The following NOVA2 variants were observed in gnomAD, a reference collection of about 807,000 sequenced individuals.
NOVA2 encodes the protein RNA-binding protein Nova-2.
In NOVA2, 9 loss-of-function variants were observed where a neutral mutation model predicts 22.5. The ratio of observed to expected loss-of-function variants is 0.40; its 90% CI spans 0.24 to 0.70. The LOEUF is 0.70. Ranked by LOEUF, NOVA2 falls within the 30% of genes least tolerant of loss-of-function variation. The pLI is 0.38. For missense variants in NOVA2, 383 were observed against 682.8 expected, an observed-to-expected ratio of 0.56 and a Z score of 4.89; for synonymous variants, 318 against 335.2, an observed-to-expected ratio of 0.95 and a Z score of 0.56.
chr19:45,954,088 G>T, intron 2 of NOVA2, 142 bp from the exon 3 acceptor site: 1 of 827,880 alleles, frequency 1.2e-6, no homozygotes, highest in Non-Finnish European at 1.9e-6. Context: ...TGGGGGAGCG[G>T]GCATGGGCTG....
At chr19:45,953,244 C>T (rs917331048) in intron 3 of NOVA2, among the ~76,000 whole-genome samples, 1 of 152,202 alleles carries the variant, frequency 6.6e-6, no homozygotes, top group African/African-American at 2.4e-5. Flanking sequence ...AACGGAGGGG[C>T]GCTGCCTTCC....
intron 1 of NOVA2, among the ~76,000 whole-genome samples, chr19:45,968,704 TA>T (rs1279010196): frequency 1.3e-5 from 2 of 151,938 alleles, no homozygotes; most frequent in African/African-American, 4.8e-5. Context: ...CCCAGAGAGG[TA>T]GATCTTCCTG....
chr19:45,965,818 C>T (rs1968160429), intron 1 of NOVA2, among the ~76,000 whole-genome samples: 1 of 152,116 alleles, frequency 6.6e-6, no homozygotes, highest in Non-Finnish European at 1.5e-5. Flanking sequence ...CTTTCCTCAT[C>T]TATACAATGG....
rs752205270 is a variant in NOVA2, at chr19:45,940,761, C to T, written c.581G>A (p.Ser194Asn). 25 of 1,609,382 alleles carry T rather than the reference C, an allele frequency of 1.6e-5. No homozygotes were observed. The highest frequency in any genetic ancestry group is 2.1e-5 in the Non-Finnish European group (25 of 1,179,912). ...GEPEQVHKAV[S>N]AIVQKVQEDP... is the part of the protein sequence containing the mutation. The stretch of plus-strand genomic sequence containing the variant: ...TTCTTGTACCTTCTGCACGATGGCG[C>T]TCACGGCCTTGTGCACCTGCTCGGG... Residue 194 changes from serine (S) to asparagine (N), a missense_variant, in exon 4 of 4, where the codon AGC becomes AAC. Around this residue, in one of 2 missense-constraint regions of NOVA2, gnomAD observed 349 missense variants for 578.1 expected, o/e 0.60. Coordinates refer to ENST00000263257, the MANE Select transcript of NOVA2 (RefSeq NM_002516.4).
chr19:45,963,825 C>T (rs1274938438), intron 1 of NOVA2, among the ~76,000 whole-genome samples: 2 of 152,080 alleles, frequency 1.3e-5, no homozygotes, highest in Admixed American at 6.6e-5. Context: ...CCACCGCGCC[C>T]GGGCCCCCTC....
At chr19:45,956,594 T>G (rs1360713498) in intron 2 of NOVA2, among the ~76,000 whole-genome samples, 2 of 152,074 alleles carry the variant, frequency 1.3e-5, no homozygotes, top group Non-Finnish European at 2.9e-5. Context: ...CTAAGCCTCC[T>G]GAGTAGCTGG....
intron 3 of NOVA2, among the ~76,000 whole-genome samples, chr19:45,942,407 C>A (rs1433197585): frequency 6.6e-6 from 1 of 152,090 alleles, no homozygotes; most frequent in Non-Finnish European, 1.5e-5. Flanking sequence ...CAGAAGAAAC[C>A]AACCCTGCTG....
rs1293801241 is a variant in NOVA2, at chr19:45,940,178, G to A, written c.1164C>T (p.Ala388=). The change falls in exon 4 of 4, where the codon GCC becomes GCT. Residue 388 remains alanine (A), a synonymous_variant. Coordinates refer to ENST00000263257, the MANE Select transcript of NOVA2 (RefSeq NM_002516.4). ...GGPLVAAAAA[A]GAAGGFLTAE... is the part of the protein sequence containing the mutation. The stretch of plus-strand genomic sequence containing the variant: ...CCGTCAGGAAGCCCCCGGCCGCCCC[G>A]GCCGCGGCTGCAGCGGCCACCAGCG... The A allele has an allele frequency of 3.8e-6, 6 of 1,589,226 alleles. No homozygotes were observed. In the South Asian group the frequency reaches 6.7e-5, roughly 18 times the overall value.
intron 1 of NOVA2, among the ~76,000 whole-genome samples, chr19:45,968,845 C>G (rs1413172970): frequency 6.6e-6 from 1 of 152,028 alleles, no homozygotes; most frequent in Non-Finnish European, 1.5e-5. Context: ...GGGCTCTTAA[C>G]CTGGTGATGT....
At chr19:45,950,325 A>AT (rs1285326150) in intron 3 of NOVA2, among the ~76,000 whole-genome samples, 3 of 150,422 alleles carry the variant, frequency 2.0e-5, no homozygotes, top group African/African-American at 7.3e-5. Flanking sequence ...TGCCCGGCTA[A>AT]TTTTTTTGTA....
chr19:45,970,259 A>G (rs996218653), intron 1 of NOVA2, among the ~76,000 whole-genome samples: 1 of 152,198 alleles, frequency 6.6e-6, no homozygotes, highest in Non-Finnish European at 1.5e-5. Context: ...TCTAGCCATT[A>G]TTATAACTGA....
chr19:45,942,749 C>T (rs149783048), intron 3 of NOVA2, among the ~76,000 whole-genome samples: 17 of 152,212 alleles, frequency 1.1e-4, no homozygotes, highest in Non-Finnish European at 1.9e-4. Context: ...CTTCAACCAC[C>T]CATTTGTCCA....
Position 45,973,818 on chromosome 19 carries a change from AC to A in NOVA2, c.-468del, listed in dbSNP as rs1022953946. The stretch of plus-strand genomic sequence containing the variant: ...GGGGACTGGACGCGCCACTGGGGGG[AC>A]GGGACTCCCCGCTTCTTCTTGGCTC... On this transcript the variant is annotated 5_prime_UTR_variant, in exon 1 of 4. Coordinates refer to ENST00000263257, the MANE Select transcript of NOVA2 (RefSeq NM_002516.4). Among the ~76,000 whole-genome samples the A allele has an allele frequency of 3.4e-5, 5 of 148,542 alleles. No homozygotes were observed. Among genetic ancestry groups the A allele is most frequent in the African/African-American group, 1.3e-4 (5 of 39,968 alleles).
chr19:45,962,787 C>T (rs905309202), intron 1 of NOVA2, among the ~76,000 whole-genome samples: 1 of 152,080 alleles, frequency 6.6e-6, no homozygotes, highest in Admixed American at 6.6e-5. Context: ...GCTGGGACTA[C>T]AGGCGCCCGC....
At position 45,964,181 on chromosome 19, in the gene NOVA2, T is replaced by C. The variant is rs1054891622; in HGVS notation, c.86-3028A>G. ...TTTCTTTTTTTCTTTTTCTTTTTCTTTTTTTTTTTTTTTTTTTGAGACAAT... is the reference window on the plus strand; with the variant it reads ...TTTCTTTTTTTCTTTTTCTTTTTCTCTTTTTTTTTTTTTTTTTGAGACAAT... On this transcript the variant is annotated intron_variant, in intron 1 of 3. Coordinates refer to ENST00000263257, the MANE Select transcript of NOVA2 (RefSeq NM_002516.4). Among the ~76,000 whole-genome samples, 13 of 7,968 alleles carry C rather than the reference T, an allele frequency of 1.6e-3. 1 individual carries two copies. In the South Asian group the frequency reaches 0.025, roughly 15 times the overall value. 5.2% of individuals were successfully genotyped at this position (7,968 alleles called of 152,430 possible).
At chr19:45,971,620 C>T (rs189761273) in intron 1 of NOVA2, among the ~76,000 whole-genome samples, 112 of 152,142 alleles carry the variant, frequency 7.4e-4, no homozygotes, top group Non-Finnish European at 1.3e-3. Context: ...GGCTTGTATT[C>T]ATCTGTAGGG....
chr19:45,963,673 A>G (rs9304653), intron 1 of NOVA2, among the ~76,000 whole-genome samples: 54,236 of 151,442 alleles, frequency 0.36, 11,652 homozygotes, highest in Non-Finnish European at 0.49. Flanking sequence ...CTGGGACTAC[A>G]GGTGCCCACC....
intron 1 of NOVA2, among the ~76,000 whole-genome samples, chr19:45,969,341 C>CA (rs139872646): frequency 0.031 from 4,674 of 151,288 alleles, 269 homozygotes; most frequent in African/African-American, 0.11. Context: ...CCTGTCTCTA[C>CA]AAAAAAATTC....
At chr19:45,967,697 T>G (rs897893847) in intron 1 of NOVA2, 1 of 152,202 alleles carries the variant, frequency 6.6e-6, no homozygotes, top group African/African-American at 2.4e-5. Flanking sequence ...ATCCCAGCAC[T>G]TTGGGAGGCC....
Sources: allele counts gnomAD v4.1 joint callset (sites outside exome capture counted in the v4.1 genomes callset), GRCh38; gene constraint gnomAD v4.1.1; regional missense constraint gnomAD v4.1.1; transcripts MANE v1.5; gene names NCBI Gene and HGNC (gene_info 2026-07-23, HGNC 2026-07-21).